SAMMSON: variants seen among roughly 807,000 people sequenced by gnomAD.
The protein encoded by SAMMSON is survival associated mitochondrial melanoma specific oncogenic non-coding RNA.
intron 2 of SAMMSON, among the ~76,000 whole-genome samples, chr3:70,396,155 T>C (rs74806103): frequency 0.02 from 3,082 of 152,248 alleles, 95 homozygotes; most frequent in East Asian, 0.12. Context: ...CAATAAATGA[T>C]GACTCTTATT....
intron 6 of SAMMSON, among the ~76,000 whole-genome samples, chr3:70,273,484 C>T (rs75653109): frequency 0.042 from 6,465 of 152,178 alleles, 444 homozygotes; most frequent in African/African-American, 0.14. Context: ...CCAGAAAAAT[C>T]TTCCCTAAAA....
At chr3:70,014,329 A>G (rs1376337622) in intron 3 of SAMMSON, 2 of 152,174 alleles carry the variant, frequency 1.3e-5, no homozygotes, top group Non-Finnish European at 2.9e-5. Context: ...CGTCTAAAAG[A>G]TAAATAAAAC....
intron 2 of SAMMSON, among the ~76,000 whole-genome samples, chr3:70,430,010 A>G (rs1014390316): frequency 6.6e-6 from 1 of 152,200 alleles, no homozygotes; most frequent in Non-Finnish European, 1.5e-5. Context: ...TATGTTGAAT[A>G]GGAGTGGTGA....
At chr3:70,323,592 G>T (rs1026080394) in intron 7 of SAMMSON, among the ~76,000 whole-genome samples, 1 of 152,122 alleles carries the variant, frequency 6.6e-6, no homozygotes, top group Non-Finnish European at 1.5e-5. Flanking sequence ...CTGTTTCCTA[G>T]AATTTCTTTC....
chr3:70,042,966 G>A (rs1451872507), intron 3 of SAMMSON, among the ~76,000 whole-genome samples: 1 of 152,068 alleles, frequency 6.6e-6, no homozygotes, highest in African/African-American at 2.4e-5. Context: ...CAATAGAATA[G>A]CATTTAGGAG....
chr3:70,225,940 T>C (rs1701501912), intron 4 of SAMMSON, among the ~76,000 whole-genome samples: 1 of 152,200 alleles, frequency 6.6e-6, no homozygotes, highest in Admixed American at 6.5e-5. Context: ...CCAAGTGGTC[T>C]TTTGATGATG....
At chr3:70,413,718 T>C (rs1701240897) in intron 2 of SAMMSON, among the ~76,000 whole-genome samples, 2 of 152,218 alleles carry the variant, frequency 1.3e-5, no homozygotes, top group East Asian at 3.9e-4. Flanking sequence ...AAATTGTGTG[T>C]ATAAATAGCA....
intron 2 of SAMMSON, among the ~76,000 whole-genome samples, chr3:70,405,949 G>C (rs913080394): frequency 6.6e-6 from 1 of 152,122 alleles, no homozygotes; most frequent in Admixed American, 6.5e-5. Context: ...CAATGCCTGA[G>C]AAAAAGGCAT....
At chr3:70,180,975 GT>G (rs1168439650) in intron 4 of SAMMSON, among the ~76,000 whole-genome samples, 1 of 152,186 alleles carries the variant, frequency 6.6e-6, no homozygotes, top group Admixed American at 6.5e-5. Context: ...AACTGCTTAT[GT>G]TGGGGGACTA....
intron 3 of SAMMSON, among the ~76,000 whole-genome samples, chr3:70,042,376 G>A (rs1347245295): frequency 6.6e-6 from 1 of 151,984 alleles, no homozygotes; most frequent in Admixed American, 6.6e-5. Flanking sequence ...TAAAAGTATT[G>A]TTTTTCCATG....
chr3:70,370,793 T>C (rs1702962706), intron 9 of SAMMSON, among the ~76,000 whole-genome samples: 1 of 152,102 alleles, frequency 6.6e-6, no homozygotes, highest in African/African-American at 2.4e-5. Context: ...ATAATTTCCT[T>C]TGCTGTGCAG....
rs12488275 is a variant in SAMMSON at position 70,073,918 on chromosome 3, A to G, written n.507+2353A>G. On this transcript the variant is annotated intron_variant and non_coding_transcript_variant, in intron 4 of 9. Coordinates refer to ENST00000642114, the Ensembl canonical transcript of SAMMSON. The stretch of plus-strand genomic sequence containing the variant: ...GGGCTAGAAATATGTACTTTTAGGA[A>G]TTTATAGGAATTTTAGATGTGACCT... Among the ~76,000 whole-genome samples the G allele has an allele frequency of 7.2e-3, 1,103 of 152,158 alleles. 35 individuals carry two copies. The highest frequency in any genetic ancestry group is 0.071 in the East Asian group (367 of 5,158).
At chr3:70,001,248 G>A (rs2066904568) in intron 1 of SAMMSON, among the ~76,000 whole-genome samples, 1 of 151,582 alleles carries the variant, frequency 6.6e-6, no homozygotes, top group African/African-American at 2.4e-5. Flanking sequence ...ATTAAAAAAC[G>A]AAAAGTAAGT....
At chr3:70,278,010 C>T (rs9681827) in intron 6 of SAMMSON, among the ~76,000 whole-genome samples, 8,829 of 152,040 alleles carry the variant, frequency 0.058, 632 homozygotes, top group East Asian at 0.36. Context: ...TACATTGATC[C>T]GTTTTTACAA....
intron 4 of SAMMSON, chr3:70,096,050 C>G (rs2067322010): frequency 1.3e-5 from 2 of 152,184 alleles, no homozygotes; most frequent in South Asian, 4.1e-4. Context: ...AGGTATTGGG[C>G]AAGGATAAGG....
At chr3:70,099,947 G>C (rs1403664323) in intron 4 of SAMMSON, among the ~76,000 whole-genome samples, 1 of 152,116 alleles carries the variant, frequency 6.6e-6, no homozygotes. Context: ...TCCTGAGGAA[G>C]AACATAGTGC....
intron 4 of SAMMSON, among the ~76,000 whole-genome samples, chr3:70,129,555 G>T (rs912573023): frequency 3.3e-5 from 5 of 152,146 alleles, no homozygotes; most frequent in Non-Finnish European, 7.4e-5. Flanking sequence ...CAAAGGGATT[G>T]AATCTTATTC....
intron 3 of SAMMSON, among the ~76,000 whole-genome samples, chr3:70,018,467 C>A (rs1039325210): frequency 1.4e-4 from 22 of 152,184 alleles, no homozygotes; most frequent in African/African-American, 5.3e-4. Flanking sequence ...TGATTCTTCT[C>A]TCTTTTCTTC....
chr3:70,332,569 C>T (rs1004409056), intron 7 of SAMMSON, among the ~76,000 whole-genome samples: 1 of 152,014 alleles, frequency 6.6e-6, no homozygotes, highest in African/African-American at 2.4e-5. Flanking sequence ...GGTAATGGGG[C>T]ATTTAGCACA....
Sources: gnomAD v4.1 joint callset for allele counts (sites outside exome capture counted in the v4.1 genomes callset) on GRCh38, gnomAD v4.1.1 for gene constraint, MANE v1.5 for transcripts, NCBI Gene and HGNC (gene_info 2026-07-23, HGNC 2026-07-21) for gene names.